The following TMEM161B variants were observed in gnomAD, a reference collection of about 807,000 sequenced individuals.
The protein encoded by TMEM161B is transmembrane protein 161B.
TMEM161B carries 34 observed loss-of-function variants against 61.8 expected under a neutral mutation model. The observed-to-expected ratio is 0.55, with a 90% CI of 0.42 to 0.73. The LOEUF is 0.73. Among genes scored for constraint, TMEM161B ranks in the 30% least tolerant of loss-of-function variants. The pLI is 0.00. For missense variants in TMEM161B, 456 were observed against 558.5 expected, an observed-to-expected ratio of 0.82 and a Z score of 1.85; for synonymous variants, 167 against 192.8, an observed-to-expected ratio of 0.87 and a Z score of 1.11.
chr5:88,206,422 A>C lies in TMEM161B; in HGVS notation c.659+17T>G, dbSNP rs772703529. 1.3e-6 allele frequency: 2 copies of C among 1,578,218 alleles called. No individual in the cohort carries two copies. Among genetic ancestry groups the C allele is most frequent in the Non-Finnish European group, 1.7e-6 (2 of 1,161,244 alleles). ...AAAGGTTAAATTTAAATAATGCTTA[A>C]TTTTTCAAAAACTTACTGAGATTCT... On this transcript the variant is annotated intron_variant, in intron 7 of 11. Coordinates refer to ENST00000296595, the MANE Select transcript of TMEM161B (RefSeq NM_153354.5).
chr5:88,198,767 C>A, intron 10 of TMEM161B: 1 of 516,178 alleles, frequency 1.9e-6, no homozygotes, highest in Non-Finnish European at 3.4e-6. Flanking sequence ...TGACACCAAG[C>A]ACTTAAGGCA....
At chr5:88,207,231 A>G (rs368095329) in intron 5 of TMEM161B, 51 bp from the exon 6 acceptor site, 435 of 1,535,740 alleles carry the variant, frequency 2.8e-4, no homozygotes, top group Non-Finnish European at 3.7e-4. Context: ...TAGGAGCTAT[A>G]CACAATGATC....
Position 88,196,161 on chromosome 5 carries a change from A to T in TMEM161B, c.*50T>A, listed in dbSNP as rs1372595717. ...TTTCATCAGCCCTTTAAGGGCACAG[A>T]TATTTTAATTTAAAGGGTGATTTGG... On this transcript the variant is annotated 3_prime_UTR_variant, in exon 12 of 12. Coordinates refer to ENST00000296595, the MANE Select transcript of TMEM161B (RefSeq NM_153354.5). 6.5e-7 allele frequency: 1 copy of T among 1,544,616 alleles called. No individual in the cohort carries two copies. Among genetic ancestry groups the T allele is most frequent in the African/African-American group, 1.4e-5 (1 of 71,968 alleles).
chr5:88,230,330 G>T (rs1219907999), intron 2 of TMEM161B, among the ~76,000 whole-genome samples: 3 of 152,112 alleles, frequency 2.0e-5, no homozygotes, highest in Non-Finnish European at 2.9e-5. Flanking sequence ...CATTATTTTT[G>T]ATATATATAC....
intron 2 of TMEM161B, among the ~76,000 whole-genome samples, chr5:88,236,439 G>A (rs1041879720): frequency 6.6e-6 from 1 of 152,096 alleles, no homozygotes; most frequent in Non-Finnish European, 1.5e-5. Flanking sequence ...CAAGAAAAGA[G>A]GGGCCAAGCA....
Position 88,240,931 on chromosome 5 carries a change from C to T in TMEM161B, c.4-15G>A. On this transcript the variant is annotated splice_polypyrimidine_tract_variant and intron_variant, in intron 1 of 11. Coordinates refer to ENST00000296595, the MANE Select transcript of TMEM161B (RefSeq NM_153354.5). Reference sequence around the variant, plus strand: ...CCTATCACACCCTGTGTAAAAAAAACAAACAAATTTAATAATGAATGATTT... The same window carrying T: ...CCTATCACACCCTGTGTAAAAAAAATAAACAAATTTAATAATGAATGATTT... 1 of 1,503,180 alleles carries T rather than the reference C, an allele frequency of 6.7e-7. No individual in the cohort carries two copies. The highest frequency in any genetic ancestry group is 9.0e-7 in the Non-Finnish European group (1 of 1,115,360). The allele number at this position is 1,503,180 out of a possible 1,614,324, so 93.1% of individuals were successfully genotyped here. A position where few individuals can be genotyped will look rare whatever the true frequency, so the allele number is the denominator to read the frequency against.
At chr5:88,207,215 A>C in intron 5 of TMEM161B, 35 bp from the exon 6 acceptor site, 5 of 1,579,672 alleles carry the variant, frequency 3.2e-6, no homozygotes, top group Non-Finnish European at 4.3e-6. Context: ...AACCACAATA[A>C]ATTTATAGGA....
At chr5:88,264,254 C>T (rs1756060926) in intron 1 of TMEM161B, among the ~76,000 whole-genome samples, 1 of 151,860 alleles carries the variant, frequency 6.6e-6, no homozygotes, top group East Asian at 1.9e-4. Context: ...AAAAACAACA[C>T]CATCAAAAAG....
At chr5:88,243,994 G>C (rs72771816) in intron 1 of TMEM161B, among the ~76,000 whole-genome samples, 4,398 of 151,890 alleles carry the variant, frequency 0.029, 115 homozygotes, top group South Asian at 0.044. Context: ...GTTTTTGCTT[G>C]TAAATTTGTT....
intron 9 of TMEM161B, chr5:88,202,592 T>C (rs1744635891): frequency 4.2e-6 from 1 of 236,208 alleles, no homozygotes; most frequent in South Asian, 5.1e-5. Flanking sequence ...GAGTTGAGTA[T>C]ATGAGTTTCC....
In TMEM161B at chr5:88,234,376, G is replaced by A. The variant is rs1250723746; in HGVS notation, c.108-5848C>T. ...TTAGGTTGAAAAAGTTGTCTGAGAAGTACAGCATACAAACTCTGCCAGGCA... is the reference window on the plus strand; with the variant it reads ...TTAGGTTGAAAAAGTTGTCTGAGAAATACAGCATACAAACTCTGCCAGGCA... On this transcript the variant is annotated intron_variant, in intron 2 of 11. Coordinates refer to ENST00000296595, the MANE Select transcript of TMEM161B (RefSeq NM_153354.5). 2.6e-5 allele frequency among the ~76,000 whole-genome samples: 4 copies of A among 152,110 alleles called. No homozygotes were observed. In the East Asian group the frequency reaches 7.7e-4, roughly 29 times the overall value.
chr5:88,261,901 A>G (rs1470342583), intron 1 of TMEM161B, among the ~76,000 whole-genome samples: 1 of 152,172 alleles, frequency 6.6e-6, no homozygotes, highest in African/African-American at 2.4e-5. Flanking sequence ...AACCAAAGGC[A>G]TGATCCATGA....
At chr5:88,193,909 G>A (rs1350127293), downstream of TMEM161B, among the ~76,000 whole-genome samples, 1 of 152,008 alleles carries the variant, frequency 6.6e-6, no homozygotes, top group Non-Finnish European at 1.5e-5. Context: ...TGCTTCCTTT[G>A]GAAATACACA....
chr5:88,232,324 A>C (rs1198588840), intron 2 of TMEM161B, among the ~76,000 whole-genome samples: 1 of 150,142 alleles, frequency 6.7e-6, no homozygotes, highest in Non-Finnish European at 1.5e-5. Context: ...TTGGAATTAC[A>C]AATAAATTTT....
rs1375117188 is a variant in TMEM161B, at chr5:88,220,733, A to G, written c.290-14T>C. On this transcript the variant is annotated splice_polypyrimidine_tract_variant and intron_variant, in intron 4 of 11. Transcript: ENST00000296595. ...AGTAATGCAATGCTGGAAAGAAAAA[A>G]AAAAAAAAAAAAAAAAAAGGTCAAA... 2.0e-6 allele frequency: 3 copies of G among 1,499,158 alleles called. No individual in the cohort carries two copies. Among genetic ancestry groups the G allele is most frequent in the Non-Finnish European group, 2.7e-6 (3 of 1,126,918 alleles). The allele number at this position is 1,499,158 out of a possible 1,614,324, so 92.9% of individuals were successfully genotyped here.
chr5:88,209,323 C>T (rs2112442558), intron 5 of TMEM161B, among the ~76,000 whole-genome samples: 1 of 152,274 alleles, frequency 6.6e-6, no homozygotes, highest in African/African-American at 2.4e-5. Flanking sequence ...AAAAACACTG[C>T]TTTATTTTTA....
intron 2 of TMEM161B, among the ~76,000 whole-genome samples, chr5:88,236,917 G>C (rs1038079804): frequency 6.6e-6 from 1 of 152,064 alleles, no homozygotes; most frequent in Non-Finnish European, 1.5e-5. Context: ...GCCAACAAAA[G>C]TCACAGTGAT....
At chr5:88,189,740 A>C (rs1748597361) in exon 13 of TMEM161B, 1 of 222,358 alleles carries the variant, frequency 4.5e-6, no homozygotes, top group Non-Finnish European at 8.9e-6. Context: ...ACAATATGGG[A>C]GGGGGCCTAT....
intron 2 of TMEM161B, among the ~76,000 whole-genome samples, chr5:88,237,697 A>G (rs1483439453): frequency 7.4e-6 from 1 of 135,196 alleles, no homozygotes; most frequent in African/African-American, 2.9e-5. Context: ...TAATATTAAT[A>G]GAGTTAAACC....
Sources: allele counts gnomAD v4.1 joint callset (sites outside exome capture counted in the v4.1 genomes callset), GRCh38; gene constraint gnomAD v4.1.1; transcripts MANE v1.5; gene names NCBI Gene and HGNC (gene_info 2026-07-23, HGNC 2026-07-21).